The following TMEM44 variants were observed in gnomAD, a reference collection of about 807,000 sequenced individuals.
The protein encoded by TMEM44 is transmembrane protein 44.
TMEM44 carries 43 observed loss-of-function variants against 47.8 expected under a neutral mutation model. The observed-to-expected ratio is 0.90, with a 90% CI of 0.70 to 1.16. The LOEUF (loss-of-function observed/expected upper bound fraction) is 1.16. Among genes scored for constraint, TMEM44 ranks in the 50% most tolerant of loss-of-function variants. The pLI is 0.00. For missense variants in TMEM44, 568 were observed against 555.2 expected, an observed-to-expected ratio of 1.02 and a Z score of -0.23; for synonymous variants, 277 against 238.8, an observed-to-expected ratio of 1.16 and a Z score of -1.48.
chr3:194,619,522 C>T (rs191265057), intron 5 of TMEM44, among the ~76,000 whole-genome samples: 230 of 152,338 alleles, frequency 1.5e-3, no homozygotes, highest in African/African-American at 5.2e-3. Flanking sequence ...GTCAGCACAA[C>T]GCTTCACTCA....
At chr3:194,592,856 G>A (rs1038714436) in intron 9 of TMEM44, among the ~76,000 whole-genome samples, 1 of 151,946 alleles carries the variant, frequency 6.6e-6, no homozygotes, top group Non-Finnish European at 1.5e-5. Flanking sequence ...TCAGGTGATC[G>A]CCCACCTCGG....
Position 194,600,761 on chromosome 3 carries a change from A to AAAGAAG in TMEM44, c.1176+3520_1176+3525dup, listed in dbSNP as rs553701063. Among the ~76,000 whole-genome samples, 125 of 150,552 alleles carry AAAGAAG rather than the reference A, an allele frequency of 8.3e-4. 1 individual carries two copies. Among genetic ancestry groups the AAAGAAG allele is most frequent in the African/African-American group, 3.0e-3 (122 of 41,272 alleles). ...CAAGACTCCGTCTCAAAAAGAAAAA[A>AAAGAAG]AAGAAGAAGAAGAAGAACAGAAAAT... On this transcript the variant is annotated intron_variant, in intron 9 of 9. Coordinates refer to ENST00000347147, the MANE Select transcript of TMEM44 (RefSeq NM_001011655.3).
At chr3:194,593,715 A>G (rs1457358899) in intron 9 of TMEM44, among the ~76,000 whole-genome samples, 1 of 152,236 alleles carries the variant, frequency 6.6e-6, no homozygotes, top group South Asian at 2.1e-4. Context: ...ATTAAATTAA[A>G]TAGCAGGCAG....
chr3:194,603,651 G>GCCT (rs1443209610), intron 9 of TMEM44, among the ~76,000 whole-genome samples: 1 of 152,076 alleles, frequency 6.6e-6, no homozygotes, highest in Non-Finnish European at 1.5e-5. Flanking sequence ...GCCTGCCTTG[G>GCCT]CCTCTCAAAG....
At chr3:194,617,296 C>A in intron 5 of TMEM44, 27 bp from the exon 6 acceptor site, 1 of 754,310 alleles carries the variant, frequency 1.3e-6, no homozygotes, top group Non-Finnish European at 2.0e-6. Context: ...AGGGGCTGGG[C>A]GGGAGAAGCA....
At position 194,623,528 on chromosome 3, in the gene TMEM44, C is replaced by A. The variant is rs1463644292; in HGVS notation, c.525+1G>T. The A allele has an allele frequency of 1.3e-6, 2 of 1,584,784 alleles. No homozygotes were observed. The highest frequency in any genetic ancestry group is 1.7e-6 in the Non-Finnish European group (2 of 1,167,880). Reference sequence around the variant, plus strand: ...TCCTCCCCACGGTGGCCCAGCCTCACCTGCAGCAGGCTCGCTAGCAGCCTC... The same window carrying A: ...TCCTCCCCACGGTGGCCCAGCCTCAACTGCAGCAGGCTCGCTAGCAGCCTC... On this transcript the variant is annotated splice_donor_variant, in intron 4 of 9. Coordinates refer to ENST00000347147, the MANE Select transcript of TMEM44 (RefSeq NM_001011655.3). LOFTEE classifies it high-confidence loss of function.
At chr3:194,599,259 T>A (rs1713779953) in intron 9 of TMEM44, among the ~76,000 whole-genome samples, 1 of 152,142 alleles carries the variant, frequency 6.6e-6, no homozygotes, top group South Asian at 2.1e-4. Context: ...CCCTATGCGG[T>A]GGGCTGGGGC....
intron 2 of TMEM44, 146 bp from the exon 3 acceptor site, chr3:194,626,136 C>T: frequency 1.6e-6 from 1 of 633,572 alleles, no homozygotes; most frequent in South Asian, 1.8e-5. Flanking sequence ...CCTGCCAACC[C>T]CGGAAAAGTC....
At chr3:194,616,182 G>C (rs916587077) in intron 6 of TMEM44, among the ~76,000 whole-genome samples, 5 of 152,010 alleles carry the variant, frequency 3.3e-5, no homozygotes, top group African/African-American at 1.2e-4. Flanking sequence ...CTCCCAAGTA[G>C]CTGGGATTAC....
chr3:194,615,537 C>T (rs1189848354), intron 7 of TMEM44, 32 bp downstream of exon 7: 11 of 1,607,500 alleles, frequency 6.8e-6, no homozygotes, highest in Non-Finnish European at 9.3e-6. Flanking sequence ...CCAGAGTTTT[C>T]CAGCCAGAGA....
rs144479226 is a variant in TMEM44 at position 194,617,119 on chromosome 3, G to A, written c.763C>T (p.Arg255Cys). 1.6e-4 allele frequency: 254 copies of A among 1,551,950 alleles called. 1 individual carries two copies. The highest frequency in any genetic ancestry group is 2.2e-4 in the Middle Eastern group (1 of 4,632). ...GATACAGCGAGGTCCAGTGCCGCAC[G>A]GCCGAGGGAGGTCAGGAACCAGGGT... is the stretch of plus-strand genomic sequence containing the variant. ...ATPWFLTSLG[R>C]AALDLAIIFL... The change falls in exon 6 of 10, where the codon CGT becomes TGT. Residue 255 changes from arginine to cysteine, a missense_variant. Transcript: ENST00000347147.
Position 194,625,946 on chromosome 3 carries a change from A to G in TMEM44, c.309T>C (p.Phe103=), listed in dbSNP as rs201195246. The G allele has an allele frequency of 4.6e-5, 75 of 1,613,902 alleles. No individual in the cohort carries two copies. The highest frequency in any genetic ancestry group is 3.3e-4 in the Middle Eastern group (2 of 6,060). ...CACAGACTGGGAAGAGAATGAACAT[A>G]AAGTTCACTAAGTCAATAGCTGCTA... ...AYLAAIDLVN[F]MFILFPVCGS... Residue 103 remains phenylalanine (F), a synonymous_variant, in exon 3 of 10, where the codon TTT becomes TTC. Coordinates refer to ENST00000347147, the MANE Select transcript of TMEM44 (RefSeq NM_001011655.3).
chr3:194,623,366 C>T, intron 4 of TMEM44, 56 bp from the exon 5 acceptor site: 1 of 1,540,326 alleles, frequency 6.5e-7, no homozygotes, highest in African/African-American at 1.4e-5. Context: ...TGCCCATGTG[C>T]CCCAAGAAAC....
chr3:194,629,020 C>T (rs1302047711), intron 1 of TMEM44, among the ~76,000 whole-genome samples: 9 of 151,980 alleles, frequency 5.9e-5, no homozygotes, highest in Admixed American at 2.6e-4. Flanking sequence ...AAAAATTAGC[C>T]GGGTGTGGTG....
chr3:194,603,124 G>C (rs1236627683), intron 9 of TMEM44, among the ~76,000 whole-genome samples: 2 of 152,212 alleles, frequency 1.3e-5, no homozygotes, highest in Non-Finnish European at 2.9e-5. Context: ...CAGACAGATG[G>C]AAACCTCCTC....
chr3:194,616,775 G>A (rs2410913), intron 6 of TMEM44: 1 of 416,320 alleles, frequency 2.4e-6, no homozygotes, highest in South Asian at 2.0e-5. Context: ...TGCACCTGTA[G>A]TCCCAGCTAC....
rs1441205031 is a variant in TMEM44, at chr3:194,625,895, A to T, written c.358+2T>A. The T allele has an allele frequency of 6.2e-7, 1 of 1,610,920 alleles. No individual in the cohort carries two copies. The highest frequency in any genetic ancestry group is 2.2e-5 in the East Asian group (1 of 44,858). Reference sequence around the variant, plus strand: ...GACAGGAAAAGACAGCCACACACTCACCTGAATTAGACTTGAATTTGGATC... The same window carrying T: ...GACAGGAAAAGACAGCCACACACTCTCCTGAATTAGACTTGAATTTGGATC... On this transcript the variant is annotated splice_donor_variant, in intron 3 of 9. Coordinates refer to ENST00000347147, the MANE Select transcript of TMEM44 (RefSeq NM_001011655.3). LOFTEE classifies it high-confidence loss of function.
intron 7 of TMEM44, among the ~76,000 whole-genome samples, chr3:194,613,926 C>A (rs921478195): frequency 4.0e-4 from 60 of 151,700 alleles, no homozygotes; most frequent in Admixed American, 2.8e-3. Context: ...AGTTTGAGAC[C>A]AGCCTGACCA....
At chr3:194,599,128 A>AGG (rs1713766075) in intron 9 of TMEM44, among the ~76,000 whole-genome samples, 1 of 152,182 alleles carries the variant, frequency 6.6e-6, no homozygotes. Context: ...CACGAACCAG[A>AGG]GGAAGTGAGG....
Sources: allele counts gnomAD v4.1 joint callset (sites outside exome capture counted in the v4.1 genomes callset), GRCh38; gene constraint gnomAD v4.1.1; transcripts MANE v1.5; gene names NCBI Gene and HGNC (gene_info 2026-07-23, HGNC 2026-07-21).